Variants in CA8 observed in about 807,000 individuals in gnomAD.
CA8 encodes carbonic anhydrase 8 (inactive).
A neutral mutation model predicts 41.4 loss-of-function variants in CA8; 22 were observed. That is an observed-to-expected ratio of 0.53 (90% CI 0.38 to 0.76). CA8 has a LOEUF of 0.76. Ranked by LOEUF, CA8 falls within the 30% of genes least tolerant of loss-of-function variation. The probability of loss-of-function intolerance (pLI) is 0.00; values close to 1 mark genes in which losing one functional copy is unlikely to be tolerated. For synonymous variants in CA8, 121 were observed against 130.6 expected (o/e 0.93, Z 0.50); for missense variants, 270 against 352.8 (o/e 0.77, Z 1.88).
intron 8 of CA8, among the ~76,000 whole-genome samples, chr8:60,202,919 G>C (rs915343842): frequency 2.6e-5 from 4 of 152,096 alleles, no homozygotes; most frequent in African/African-American, 7.2e-5. Flanking sequence ...AAGAAAACCT[G>C]CTTAATGAAG....
At chr8:60,210,438 G>C (rs556033572) in intron 7 of CA8, among the ~76,000 whole-genome samples, 2 of 152,182 alleles carry the variant, frequency 1.3e-5, no homozygotes, top group Admixed American at 6.5e-5. Flanking sequence ...GGGGGCCCAC[G>C]AAAGCCCTGA....
rs987331343 is a variant in CA8, at chr8:60,279,506, T to C, written c.292+183A>G. ...TGATAATCTTCATAATTTCACTCTT[T>C]TGTCCTTTCAAAATTGTTTCAGAAG... On this transcript the variant is annotated intron_variant, in intron 2 of 8. Coordinates refer to ENST00000317995, the MANE Select transcript of CA8 (RefSeq NM_004056.6). Among the ~76,000 whole-genome samples, 4 of 152,334 alleles carry C rather than the reference T, an allele frequency of 2.6e-5. No homozygotes were observed. The East Asian group carries it at 5.8e-4, about 22-fold the overall frequency.
chr8:60,209,645 T>C (rs1287989295), intron 7 of CA8, among the ~76,000 whole-genome samples: 1 of 152,226 alleles, frequency 6.6e-6, no homozygotes, highest in Non-Finnish European at 1.5e-5. Flanking sequence ...AGATCTTAGA[T>C]TTATCAGATA....
chr8:60,236,253 TG>T (rs1472514116), intron 3 of CA8, among the ~76,000 whole-genome samples: 5 of 152,198 alleles, frequency 3.3e-5, no homozygotes, highest in African/African-American at 1.2e-4. Flanking sequence ...TCCAGAACTC[TG>T]GATAAAAATC....
chr8:60,214,542 T>C (rs1806950708), intron 7 of CA8, among the ~76,000 whole-genome samples: 1 of 152,232 alleles, frequency 6.6e-6, no homozygotes, highest in African/African-American at 2.4e-5. Context: ...AACCATGCTG[T>C]GGCCCTACGG....
intron 5 of CA8, among the ~76,000 whole-genome samples, chr8:60,226,618 T>C (rs1807448887): frequency 6.6e-6 from 1 of 152,142 alleles, no homozygotes; most frequent in Non-Finnish European, 1.5e-5. Flanking sequence ...GCTAGGAGAA[T>C]TAGGGGCATC....
intron 3 of CA8, among the ~76,000 whole-genome samples, chr8:60,254,220 C>A (rs1808545474): frequency 1.3e-5 from 2 of 152,178 alleles, no homozygotes; most frequent in African/African-American, 4.8e-5. Context: ...ACACTTAAAA[C>A]TTGTTTGCTG....
intron 2 of CA8, among the ~76,000 whole-genome samples, chr8:60,276,999 A>T (rs1387628701): frequency 1.3e-5 from 2 of 151,930 alleles, no homozygotes; most frequent in Admixed American, 6.5e-5. Context: ...GGCGCCTGTA[A>T]TCCCAGCTAC....
At chr8:60,199,250 T>C (rs1033955695) in intron 8 of CA8, among the ~76,000 whole-genome samples, 4 of 152,130 alleles carry the variant, frequency 2.6e-5, no homozygotes, top group African/African-American at 4.8e-5. Flanking sequence ...CAGGAGTAAA[T>C]GCTGAAGGAG....
chr8:60,270,360 C>T (rs549360084), intron 2 of CA8, among the ~76,000 whole-genome samples: 5 of 152,274 alleles, frequency 3.3e-5, no homozygotes, highest in South Asian at 2.1e-4. Flanking sequence ...TGGTACACCA[C>T]CCGAAGGATC....
intron 3 of CA8, among the ~76,000 whole-genome samples, chr8:60,245,420 T>C (rs1041377192): frequency 2.0e-5 from 3 of 152,214 alleles, no homozygotes; most frequent in Admixed American, 2.0e-4. Context: ...ATAAGTTTTG[T>C]AATTTACTTT....
At chr8:60,280,442 A>G (rs892001391) in intron 1 of CA8, among the ~76,000 whole-genome samples, 21 of 152,320 alleles carry the variant, frequency 1.4e-4, no homozygotes, top group African/African-American at 4.8e-4. Flanking sequence ...ATATGTAGTA[A>G]ACATCAGCAC....
intron 2 of CA8, among the ~76,000 whole-genome samples, chr8:60,266,416 C>A (rs1803903796): frequency 6.6e-6 from 1 of 152,192 alleles, no homozygotes; most frequent in African/African-American, 2.4e-5. Context: ...CTCTGACTGA[C>A]CAATAATATT....
At chr8:60,247,027 G>A (rs894944754) in intron 3 of CA8, among the ~76,000 whole-genome samples, 2 of 151,530 alleles carry the variant, frequency 1.3e-5, no homozygotes, top group African/African-American at 4.8e-5. Context: ...GGGACTACAG[G>A]CGCCCGCCAA....
At chr8:60,204,565 G>T (rs1393590615) in intron 8 of CA8, among the ~76,000 whole-genome samples, 1 of 152,068 alleles carries the variant, frequency 6.6e-6, no homozygotes, top group African/African-American at 2.4e-5. Flanking sequence ...TTCATTGGTG[G>T]GTTAATAATT....
At chr8:60,212,691 G>GGA in intron 7 of CA8, among the ~76,000 whole-genome samples, 1 of 152,314 alleles carries the variant, frequency 6.6e-6, no homozygotes, top group East Asian at 1.9e-4. Flanking sequence ...TTTCAGTTAT[G>GGA]CAAGATAAAT....
rs182837477 is a variant in CA8, at chr8:60,220,608, G to A, written c.738+2041C>T. Among the ~76,000 whole-genome samples the A allele has an allele frequency of 5.9e-5, 9 of 152,306 alleles. 1 individual carries two copies. Among genetic ancestry groups the A allele is most frequent in the Admixed American group, 5.9e-4 (9 of 15,302 alleles). ...AAGACCCCTGGTCCTTAGTTCCTAA[G>A]AAGGCATCATCTCCCCCATCTCCAC... On this transcript the variant is annotated intron_variant, in intron 7 of 8. Coordinates refer to ENST00000317995, the MANE Select transcript of CA8 (RefSeq NM_004056.6).
intron 7 of CA8, among the ~76,000 whole-genome samples, chr8:60,215,377 ACACAC>A (rs1165057512): frequency 6.7e-6 from 1 of 150,350 alleles, no homozygotes; most frequent in African/African-American, 2.4e-5. Flanking sequence ...ACACACACAC[ACACAC>A]ACCGGATCCC....
At chr8:60,265,791 A>AT in intron 3 of CA8, 134 bp downstream of exon 3, 2 of 1,003,820 alleles carry the variant, frequency 2.0e-6, no homozygotes, top group East Asian at 5.2e-5. Flanking sequence ...TGCATTAAGC[A>AT]TTTTTTAAAT....
Sources: allele counts gnomAD v4.1 joint callset (sites outside exome capture counted in the v4.1 genomes callset), GRCh38; gene constraint gnomAD v4.1.1; transcripts MANE v1.5; gene names NCBI Gene and HGNC (gene_info 2026-07-23, HGNC 2026-07-21).